Variants in MYCT1 observed in about 807,000 individuals in gnomAD.
MYCT1 encodes MYC target 1.
MYCT1 carries 12 observed loss-of-function variants against 15.0 expected under a neutral mutation model. The observed-to-expected ratio is 0.80, with a 90% CI of 0.51 to 1.29. MYCT1 has a LOEUF of 1.29. Ranked by LOEUF, MYCT1 falls within the 50% of genes most tolerant of loss-of-function variation. MYCT1 has a pLI of 0.00. For synonymous variants in MYCT1, 104 were observed against 102.7 expected, an observed-to-expected ratio of 1.01 and a Z score of -0.07; for missense variants, 287 against 279.1, an observed-to-expected ratio of 1.03 and a Z score of -0.20.
the MYCT1 span, among the ~76,000 whole-genome samples, chr6:152,734,735 G>T: frequency 1.3e-5 from 2 of 151,940 alleles, no homozygotes; most frequent in Non-Finnish European, 2.9e-5. Context: ...CATAAGTGGC[G>T]TGGGTCTGGC....
chr6:152,703,880 A>G (rs2099721747), intron 1 of MYCT1, among the ~76,000 whole-genome samples: 1 of 151,966 alleles, frequency 6.6e-6, no homozygotes, highest in Non-Finnish European at 1.5e-5. Flanking sequence ...AAATTGAGGG[A>G]TTGTTTTCAT....
the MYCT1 span, among the ~76,000 whole-genome samples, chr6:152,736,553 A>G: frequency 6.6e-6 from 1 of 152,150 alleles, no homozygotes; most frequent in Non-Finnish European, 1.5e-5. Context: ...AAATCCTGTA[A>G]ATTGTGTACA....
At chr6:152,736,882 G>T in the MYCT1 span, among the ~76,000 whole-genome samples, 1 of 152,038 alleles carries the variant, frequency 6.6e-6, no homozygotes, top group Admixed American at 6.6e-5. Context: ...AGTGCTAATT[G>T]GTAGAGAACC....
intron 1 of MYCT1, among the ~76,000 whole-genome samples, chr6:152,714,563 A>C (rs1040767596): frequency 4.6e-5 from 7 of 151,018 alleles, no homozygotes; most frequent in Admixed American, 2.0e-4. Context: ...ATATTTTATA[A>C]TTTTCATTAG....
chr6:152,745,477 T>C, the MYCT1 span, among the ~76,000 whole-genome samples: 2 of 152,066 alleles, frequency 1.3e-5, no homozygotes, highest in Admixed American at 1.3e-4. Flanking sequence ...GGAAAAAAAG[T>C]TTAACTTGAT....
chr6:152,727,825 C>CCAGGGACT (rs2129071589), downstream of MYCT1, among the ~76,000 whole-genome samples: 1 of 152,184 alleles, frequency 6.6e-6, no homozygotes, highest in East Asian at 1.9e-4. Flanking sequence ...TCTCAGAGTG[C>CCAGGGACT]CAGGGACTCA....
At chr6:152,725,271 A>G (rs924081859), downstream of MYCT1, among the ~76,000 whole-genome samples, 2 of 152,228 alleles carry the variant, frequency 1.3e-5, no homozygotes, top group Admixed American at 6.5e-5. Context: ...ACATAAATAC[A>G]TATGGAAAAT....
At position 152,722,053 on chromosome 6, in the gene MYCT1, T is replaced by C; in HGVS notation, c.508T>C (p.Phe170Leu). The change falls in exon 2 of 2, where the codon TTT (phenylalanine) becomes CTT (leucine). Residue 170 changes from phenylalanine (F) to leucine (L), a missense_variant. Physicochemically the swap from Phe to Leu is conservative, Grantham distance 22. Transcript: ENST00000367245. Reference protein sequence around the residue: ...SSFRASTFHPFLQCPPLPVET... With the variant: ...SSFRASTFHPLLQCPPLPVET... ...TTTCAGAGCTTCTACTTTCCATCCC[T>C]TTCTGCAATGTCCACCACTTCCTGT... The C allele has an allele frequency of 6.2e-7, 1 of 1,614,158 alleles. No individual in the cohort carries two copies. The highest frequency in any genetic ancestry group is 8.5e-7 in the Non-Finnish European group (1 of 1,180,032).
chr6:152,706,906 C>T (rs528575739), intron 1 of MYCT1, among the ~76,000 whole-genome samples: 8 of 150,356 alleles, frequency 5.3e-5, no homozygotes, highest in Admixed American at 1.3e-4. Flanking sequence ...TTTATCCATT[C>T]ATCTGATGAT....
chr6:152,701,630 G>A (rs1441988967), intron 1 of MYCT1, among the ~76,000 whole-genome samples: 1 of 152,110 alleles, frequency 6.6e-6, no homozygotes, highest in Admixed American at 6.6e-5. Flanking sequence ...GGGGACCTTT[G>A]TGCTTGATCA....
chr6:152,741,312 C>A, the MYCT1 span, among the ~76,000 whole-genome samples: 10 of 152,096 alleles, frequency 6.6e-5, no homozygotes, highest in African/African-American at 2.4e-4. Context: ...CACATAAGAA[C>A]ATTTCCAGAT....
the MYCT1 span, among the ~76,000 whole-genome samples, chr6:152,737,243 G>GT: frequency 8.3e-3 from 1,213 of 146,884 alleles, 12 homozygotes; most frequent in African/African-American, 0.023. Flanking sequence ...TAAATTAAAA[G>GT]TTTTTTTTTT....
intron 1 of MYCT1, among the ~76,000 whole-genome samples, chr6:152,705,339 G>A (rs9371629): frequency 0.098 from 14,963 of 152,152 alleles, 1,334 homozygotes; most frequent in African/African-American, 0.23. Flanking sequence ...TACTGAAAGT[G>A]AAAAGCGAAA....
chr6:152,702,337 G>A (rs1039371294), intron 1 of MYCT1, among the ~76,000 whole-genome samples: 46 of 152,022 alleles, frequency 3.0e-4, no homozygotes, highest in Admixed American at 7.9e-4. Context: ...TTTCTATTTC[G>A]AAATATCCAA....
intron 1 of MYCT1, among the ~76,000 whole-genome samples, chr6:152,704,129 T>C (rs2129068464): frequency 6.6e-6 from 1 of 152,172 alleles, no homozygotes; most frequent in East Asian, 1.9e-4. Flanking sequence ...CCCACATAGC[T>C]GGGACTACAG....
At chr6:152,741,020 A>G in the MYCT1 span, among the ~76,000 whole-genome samples, 3 of 152,204 alleles carry the variant, frequency 2.0e-5, no homozygotes, top group Non-Finnish European at 4.4e-5. Flanking sequence ...TGGGATAAGT[A>G]TATTAAGTTC....
At position 152,722,794 on chromosome 6, in the gene MYCT1, A is replaced by G. The variant is rs1583978129; in HGVS notation, c.*541A>G. 4 of 411,736 alleles carry G rather than the reference A, an allele frequency of 9.7e-6. No individual in the cohort carries two copies. Among genetic ancestry groups the G allele is most frequent in the South Asian group, 7.0e-5 (4 of 56,876 alleles). The allele number at this position is 411,736 out of a possible 1,614,324, so 25.5% of individuals were successfully genotyped here. A position where few individuals can be genotyped will look rare whatever the true frequency, so the allele number is the denominator to read the frequency against. On this transcript the variant is annotated 3_prime_UTR_variant, in exon 2 of 2. Coordinates refer to ENST00000367245, the MANE Select transcript of MYCT1 (RefSeq NM_025107.3). Reference sequence around the variant, plus strand: ...GATCCGTCGCCCAGGCGGGAGTTGCAGTAGCATGATCAGGACTCACTGCAG... The same window carrying G: ...GATCCGTCGCCCAGGCGGGAGTTGCGGTAGCATGATCAGGACTCACTGCAG...
chr6:152,732,016 CAAGT>C, the MYCT1 span, among the ~76,000 whole-genome samples: 1 of 152,124 alleles, frequency 6.6e-6, no homozygotes, highest in African/African-American at 2.4e-5. Flanking sequence ...AAAGAATATA[CAAGT>C]AAGTTTGGAA....
the MYCT1 span, among the ~76,000 whole-genome samples, chr6:152,739,587 T>C: frequency 6.6e-6 from 1 of 152,024 alleles, no homozygotes; most frequent in African/African-American, 2.4e-5. Context: ...ACTATGTTAA[T>C]TGATCATTTT....
Sources: gnomAD v4.1 joint callset for allele counts (sites outside exome capture counted in the v4.1 genomes callset) on GRCh38, gnomAD v4.1.1 for gene constraint, MANE v1.5 for transcripts, NCBI Gene and HGNC (gene_info 2026-07-23, HGNC 2026-07-21) for gene names.